DPP10: variants seen among roughly 807,000 people sequenced by gnomAD.
DPP10 encodes dipeptidyl peptidase like 10, also known as inactive dipeptidyl peptidase 10.
A neutral mutation model predicts 120.9 loss-of-function variants in DPP10; 33 were observed. The observed-to-expected ratio is 0.27, with a 90% CI of 0.21 to 0.37. The LOEUF (loss-of-function observed/expected upper bound fraction) is 0.37. Ranked by LOEUF, DPP10 falls within the 10% of genes least tolerant of loss-of-function variation. The pLI, the probability that DPP10 is intolerant of heterozygous loss-of-function variation, is 1.00. For missense variants in DPP10, 816 were observed against 942.8 expected (o/e 0.87, Z 1.76); for synonymous variants, 337 against 326.1 (o/e 1.03, Z -0.36).
At chr2:115,318,520 C>A (rs975314558) in intron 2 of DPP10, among the ~76,000 whole-genome samples, 1 of 151,880 alleles carries the variant, frequency 6.6e-6, no homozygotes, top group Non-Finnish European at 1.5e-5. Context: ...GTAATATTAC[C>A]ATCTTAGAAA....
chr2:114,969,044 T>G (rs1699224776), intron 1 of DPP10, among the ~76,000 whole-genome samples: 1 of 152,214 alleles, frequency 6.6e-6, no homozygotes, highest in South Asian at 2.1e-4. Context: ...CACTTTCCTG[T>G]TAATCTTTGA....
chr2:114,513,540 A>AG (rs1684340003), intron 1 of DPP10, among the ~76,000 whole-genome samples: 1 of 150,812 alleles, frequency 6.6e-6, no homozygotes, highest in African/African-American at 2.4e-5. Context: ...AAAAAAAAAA[A>AG]AAAGAAACTA....
chr2:114,491,910 A>G (rs1191760626), intron 1 of DPP10, among the ~76,000 whole-genome samples: 2 of 152,186 alleles, frequency 1.3e-5, no homozygotes, highest in East Asian at 3.9e-4. Context: ...TCCTGGGGGC[A>G]TTTAGAATTC....
chr2:115,348,950 C>A (rs2063852690), intron 3 of DPP10, among the ~76,000 whole-genome samples: 1 of 152,056 alleles, frequency 6.6e-6, no homozygotes, highest in Admixed American at 6.6e-5. Flanking sequence ...AGTGGTCAAC[C>A]CTTCACCAAC....
intron 1 of DPP10, among the ~76,000 whole-genome samples, chr2:115,051,932 C>T (rs946089101): frequency 1.3e-5 from 2 of 152,070 alleles, no homozygotes; most frequent in African/African-American, 4.8e-5. Context: ...TGTTATACAC[C>T]GTGTATGCAT....
chr2:114,458,369 C>T (rs1678695340), intron 1 of DPP10, among the ~76,000 whole-genome samples: 1 of 152,128 alleles, frequency 6.6e-6, no homozygotes, highest in Non-Finnish European at 1.5e-5. Context: ...CCACTCATCT[C>T]TCCCCTATTT....
At chr2:114,597,803 T>A (rs1003143537) in intron 1 of DPP10, among the ~76,000 whole-genome samples, 6 of 151,974 alleles carry the variant, frequency 3.9e-5, no homozygotes, top group South Asian at 2.1e-4. Flanking sequence ...TTCCACTCAA[T>A]GTCTTTGTCA....
intron 1 of DPP10, among the ~76,000 whole-genome samples, chr2:114,812,583 G>GACACACACAC (rs3036385): frequency 0.029 from 3,874 of 134,446 alleles, 191 homozygotes; most frequent in African/African-American, 0.1. Flanking sequence ...GTGAGACATT[G>GACACACACAC]ACACACACAC....
chr2:115,683,527 A>G (rs1411776830), intron 5 of DPP10, among the ~76,000 whole-genome samples: 3 of 151,832 alleles, frequency 2.0e-5, no homozygotes, highest in Non-Finnish European at 4.4e-5. Flanking sequence ...ATATACGTTT[A>G]TTGATTGTAA....
At chr2:115,058,408 T>A (rs1039744669) in intron 1 of DPP10, among the ~76,000 whole-genome samples, 1 of 152,094 alleles carries the variant, frequency 6.6e-6, no homozygotes, top group Non-Finnish European at 1.5e-5. Context: ...TTGTCTTTTT[T>A]ATTTTATTTT....
intron 3 of DPP10, among the ~76,000 whole-genome samples, chr2:115,389,850 C>T (rs2067207601): frequency 1.3e-5 from 2 of 152,186 alleles, no homozygotes; most frequent in South Asian, 4.1e-4. Context: ...AATTATTCAA[C>T]CTGGCTTCTC....
chr2:115,589,542 T>G (rs944559636), intron 5 of DPP10, among the ~76,000 whole-genome samples: 1 of 152,180 alleles, frequency 6.6e-6, no homozygotes, highest in Non-Finnish European at 1.5e-5. Flanking sequence ...ATATAACTTA[T>G]GAACAATTTA....
intron 1 of DPP10, among the ~76,000 whole-genome samples, chr2:115,062,166 G>GTGTGTGTGTA (rs1335187541): frequency 9.9e-5 from 14 of 142,060 alleles, no homozygotes; most frequent in African/African-American, 3.3e-4. Context: ...GTGTGTGTGT[G>GTGTGTGTGTA]TGTATGTGTG....
chr2:114,859,363 C>T lies in DPP10; in HGVS notation c.60+416525C>T, dbSNP rs1322744229. Among the ~76,000 whole-genome samples the T allele has an allele frequency of 3.9e-4, 13 of 33,236 alleles. 1 individual carries two copies. The South Asian group carries it at 0.027, about 68-fold the overall frequency. The allele number at this position is 33,236 out of a possible 152,430, so 21.8% of individuals were successfully genotyped here. ...AGCCTGGGCAACAAGAGTGAAACTC[C>T]GTCAAAAAAAAAAAAAAAAGAGAAA... On this transcript the variant is annotated intron_variant, in intron 1 of 25. Coordinates refer to ENST00000410059, the MANE Select transcript of DPP10 (RefSeq NM_020868.6).
At chr2:115,090,602 A>G (rs935308071) in intron 1 of DPP10, among the ~76,000 whole-genome samples, 3 of 152,200 alleles carry the variant, frequency 2.0e-5, no homozygotes, top group Non-Finnish European at 2.9e-5. Flanking sequence ...GTAAAAGTTA[A>G]AGAAAGAGGA....
chr2:114,711,312 G>C (rs1701015844), intron 1 of DPP10, among the ~76,000 whole-genome samples: 2 of 152,154 alleles, frequency 1.3e-5, no homozygotes, highest in Admixed American at 1.3e-4. Flanking sequence ...GACTAACAAG[G>C]ATTTTTATCT....
At chr2:115,253,051 A>G (rs1483858436) in intron 1 of DPP10, among the ~76,000 whole-genome samples, 1 of 152,228 alleles carries the variant, frequency 6.6e-6, no homozygotes, top group Non-Finnish European at 1.5e-5. Flanking sequence ...TGTAAGGTGT[A>G]CGGGAAGCAT....
chr2:115,370,994 C>G (rs1574590397), intron 3 of DPP10, among the ~76,000 whole-genome samples: 1 of 151,944 alleles, frequency 6.6e-6, no homozygotes, highest in Non-Finnish European at 1.5e-5. Flanking sequence ...GTTGTGAAGG[C>G]CTTTGTTATT....
At chr2:114,586,386 G>T (rs1478933162) in intron 1 of DPP10, among the ~76,000 whole-genome samples, 1 of 152,156 alleles carries the variant, frequency 6.6e-6, no homozygotes, top group African/African-American at 2.4e-5. Context: ...AGCAGAGTGG[G>T]GTTCAGCATC....
Sources: gnomAD v4.1 joint callset for allele counts (sites outside exome capture counted in the v4.1 genomes callset) on GRCh38, gnomAD v4.1.1 for gene constraint, MANE v1.5 for transcripts, NCBI Gene and HGNC (gene_info 2026-07-23, HGNC 2026-07-21) for gene names.